The following TRMT10B variants were observed in gnomAD, a reference collection of about 807,000 sequenced individuals.
The protein encoded by TRMT10B is tRNA methyltransferase 10 homolog B.
Under a neutral mutation model 43.8 loss-of-function variants are expected in TRMT10B, and 33 were observed. That is an observed-to-expected ratio of 0.75 (90% CI 0.57 to 1.01). TRMT10B has a LOEUF of 1.01. TRMT10B is among the 50% of genes least tolerant of loss of function. The probability of loss-of-function intolerance (pLI) is 0.00; values close to 1 mark genes in which losing one functional copy is unlikely to be tolerated. For synonymous variants in TRMT10B, 137 were observed against 130.6 expected (o/e 1.05, Z -0.34); for missense variants, 362 against 369.8 (o/e 0.98, Z 0.17).
intron 1 of TRMT10B, among the ~76,000 whole-genome samples, chr9:37,755,880 G>A (rs1825613468): frequency 6.7e-6 from 1 of 148,360 alleles, no homozygotes. Flanking sequence ...GAACTCTTAA[G>A]TGTTTAGGTA....
At chr9:37,756,303 T>C (rs1825665618) in intron 1 of TRMT10B, among the ~76,000 whole-genome samples, 1 of 152,194 alleles carries the variant, frequency 6.6e-6, no homozygotes, top group Non-Finnish European at 1.5e-5. Context: ...TCATTTGTTA[T>C]TTTCTGAATG....
intron 5 of TRMT10B, among the ~76,000 whole-genome samples, chr9:37,769,373 C>T (rs934010237): frequency 6.3e-5 from 9 of 143,304 alleles, no homozygotes; most frequent in Non-Finnish European, 1.5e-5. Flanking sequence ...CCAGCATTTC[C>T]TTCCCCAGGT....
intron 1 of TRMT10B, among the ~76,000 whole-genome samples, chr9:37,760,780 C>A (rs981462411): frequency 2.0e-5 from 3 of 152,112 alleles, no homozygotes; most frequent in African/African-American, 7.2e-5. Flanking sequence ...ATAGACTTAA[C>A]ACTTTTTAAG....
intron 1 of TRMT10B, among the ~76,000 whole-genome samples, chr9:37,755,243 C>G (rs1201611669): frequency 1.3e-5 from 2 of 148,732 alleles, no homozygotes; most frequent in Non-Finnish European, 3.0e-5. Flanking sequence ...TGCACTCCAG[C>G]CTGGGCGACA....
chr9:37,775,282 C>T (rs1318163923), intron 7 of TRMT10B, among the ~76,000 whole-genome samples: 2 of 152,178 alleles, frequency 1.3e-5, no homozygotes, highest in East Asian at 3.9e-4. Flanking sequence ...ATTGAGACCC[C>T]TTCCAAGCCT....
intron 1 of TRMT10B, among the ~76,000 whole-genome samples, chr9:37,761,470 G>A (rs1405155899): frequency 6.6e-6 from 1 of 152,110 alleles, no homozygotes; most frequent in Admixed American, 6.6e-5. Context: ...GGGCCGAGAT[G>A]GGTAGATCAC....
intron 7 of TRMT10B, among the ~76,000 whole-genome samples, chr9:37,771,403 A>G (rs1442057465): frequency 6.6e-6 from 1 of 152,166 alleles, no homozygotes; most frequent in East Asian, 1.9e-4. Flanking sequence ...GAGACATTAT[A>G]TGATCACAAA....
At chr9:37,754,697 C>T (rs1196511324) in intron 1 of TRMT10B, among the ~76,000 whole-genome samples, 1 of 152,164 alleles carries the variant, frequency 6.6e-6, no homozygotes, top group Non-Finnish European at 1.5e-5. Context: ...CGAATGTCAT[C>T]CCCAAGTCCC....
intron 2 of TRMT10B, 64 bp downstream of exon 2, chr9:37,762,181 T>G: frequency 6.7e-7 from 1 of 1,496,640 alleles, no homozygotes. Context: ...CACCCCTGTT[T>G]TAAAGATGGA....
At position 37,762,100 on chromosome 9, in the gene TRMT10B, A is replaced by G. The variant is rs775139679; in HGVS notation, c.169A>G (p.Ser57Gly). ...GGAGGGAGAGATCCTGGCCACAGGC[A>G]GTACGGCATGGTGCTCGGTGAGTGC... ...CQEGEILATG[S>G]TAWCSKNVQR... is the part of the protein sequence containing the mutation. Residue 57 changes from serine (S) to glycine (G), a missense_variant, in exon 2 of 9, where the codon AGT (serine) becomes GGT (glycine). Physicochemically the swap from Ser to Gly is moderately conservative, Grantham distance 56. Transcript: ENST00000297994. 6.2e-7 allele frequency: 1 copy of G among 1,613,802 alleles called. No individual in the cohort carries two copies. Among genetic ancestry groups the G allele is most frequent in the Non-Finnish European group, 8.5e-7 (1 of 1,179,784 alleles).
intron 1 of TRMT10B, among the ~76,000 whole-genome samples, chr9:37,761,275 A>G (rs1200377558): frequency 6.6e-6 from 1 of 152,228 alleles, no homozygotes; most frequent in Admixed American, 6.5e-5. Flanking sequence ...GGCTTTTGCA[A>G]TCTGTCTTAC....
At chr9:37,769,854 T>C in intron 5 of TRMT10B, 87 bp from the exon 6 acceptor site, 2 of 1,010,190 alleles carry the variant, frequency 2.0e-6, no homozygotes, top group South Asian at 2.6e-5. Context: ...CCTTCCACCT[T>C]AGCCTCCCAA....
At chr9:37,777,194 C>CAAAAAAAAAAAAAA (rs11306620) in intron 8 of TRMT10B, among the ~76,000 whole-genome samples, 5 of 29,984 alleles carry the variant, frequency 1.7e-4, no homozygotes, top group African/African-American at 5.6e-4. Context: ...AACTCCGCCT[C>CAAAAAAAAAAAAAA]AAAAAAAAAA....
At chr9:37,765,113 TTTATTA>T (rs756694907) in intron 4 of TRMT10B, among the ~76,000 whole-genome samples, 44 of 152,156 alleles carry the variant, frequency 2.9e-4, no homozygotes, top group Non-Finnish European at 6.0e-4. Flanking sequence ...TATTTAATTA[TTTATTA>T]TTAAGTTTTA....
intron 4 of TRMT10B, among the ~76,000 whole-genome samples, chr9:37,765,708 G>A (rs1162040154): frequency 6.6e-6 from 1 of 152,168 alleles, no homozygotes; most frequent in Admixed American, 6.5e-5. Context: ...CACCAACAGT[G>A]TAAAAGTGTT....
chr9:37,776,436 T>C (rs375579356), intron 8 of TRMT10B, 31 bp downstream of exon 8: 163 of 1,590,366 alleles, frequency 1.0e-4, no homozygotes, highest in Non-Finnish European at 1.3e-4. Flanking sequence ...ATCCAGGGTG[T>C]GTGAGTTCTG....
intron 7 of TRMT10B, among the ~76,000 whole-genome samples, chr9:37,775,385 A>G (rs1776537928): frequency 6.6e-6 from 1 of 152,218 alleles, no homozygotes; most frequent in Non-Finnish European, 1.5e-5. Context: ...CAAGGCAGCA[A>G]ATGTAATCTG....
chr9:37,753,587 T>C (rs558413120), upstream of TRMT10B, among the ~76,000 whole-genome samples: 2 of 152,104 alleles, frequency 1.3e-5, no homozygotes, highest in South Asian at 4.2e-4. Context: ...GGTAAAGGGT[T>C]GGGGTTGTAA....
chr9:37,776,427 T>G (rs1303667505), intron 8 of TRMT10B, 22 bp downstream of exon 8: 1 of 1,596,448 alleles, frequency 6.3e-7, no homozygotes, highest in East Asian at 2.3e-5. Flanking sequence ...ACGGCCCCCA[T>G]CCAGGGTGTG....
Sources: allele counts gnomAD v4.1 joint callset (sites outside exome capture counted in the v4.1 genomes callset), GRCh38; gene constraint gnomAD v4.1.1; transcripts MANE v1.5; gene names NCBI Gene and HGNC (gene_info 2026-07-23, HGNC 2026-07-21).